The following LYPD6B variants were observed in gnomAD, a reference collection of about 807,000 sequenced individuals.
LYPD6B encodes the protein ly6/PLAUR domain-containing protein 6B.
A neutral mutation model predicts 22.8 loss-of-function variants in LYPD6B; 17 were observed. The observed-to-expected ratio is 0.75, with a 90% confidence interval of 0.51 to 1.12. LYPD6B has a LOEUF of 1.12. Ranked by LOEUF, LYPD6B falls within the 50% of genes most tolerant of loss-of-function variation. LYPD6B has a pLI of 0.00. For synonymous variants in LYPD6B, 106 were observed against 91.6 expected (o/e 1.16, Z -0.90); for missense variants, 221 against 258.3 (o/e 0.86, Z 0.99).
chr2:149,181,189 T>C (rs1691691786), intron 3 of LYPD6B, among the ~76,000 whole-genome samples: 1 of 152,096 alleles, frequency 6.6e-6, no homozygotes, highest in Non-Finnish European at 1.5e-5. Flanking sequence ...TCCATTCCAG[T>C]CTAATAATAG....
chr2:149,059,213 A>G lies in LYPD6B; in HGVS notation c.-67+20412A>G, dbSNP rs181110670. Among the ~76,000 whole-genome samples the G allele has an allele frequency of 3.4e-3, 520 of 152,338 alleles. 1 individual carries two copies. The highest frequency in any genetic ancestry group is 0.011 in the South Asian group (54 of 4,822). On this transcript the variant is annotated intron_variant, in intron 1 of 6. Transcript: ENST00000409642. ...AGTAAGTCTTTTCGACCCCATATCA[A>G]GTCCCTACCTCTCTGTTCCCTGTCA... is the stretch of plus-strand genomic sequence containing the variant.
chr2:149,147,715 C>T (rs414011), intron 2 of LYPD6B, among the ~76,000 whole-genome samples: 96,396 of 151,762 alleles, frequency 0.64, 30,727 homozygotes, highest in South Asian at 0.75. Flanking sequence ...GGTTTCACCA[C>T]GTTTGCCAGG....
chr2:149,204,066 C>T (rs1693346054), intron 3 of LYPD6B, among the ~76,000 whole-genome samples: 2 of 152,152 alleles, frequency 1.3e-5, no homozygotes, highest in Admixed American at 1.3e-4. Context: ...AGGAGTTCAG[C>T]CAATATTATT....
chr2:149,142,761 C>T (rs1334069784), intron 2 of LYPD6B, among the ~76,000 whole-genome samples: 2 of 152,122 alleles, frequency 1.3e-5, no homozygotes, highest in Non-Finnish European at 2.9e-5. Context: ...ATCTTAGCCC[C>T]GTGAGCAGCT....
At chr2:149,099,820 T>C (rs1211242850) in intron 1 of LYPD6B, among the ~76,000 whole-genome samples, 1 of 152,188 alleles carries the variant, frequency 6.6e-6, no homozygotes, top group African/African-American at 2.4e-5. Flanking sequence ...TCTATGATAT[T>C]GACTATGATG....
At chr2:149,160,037 C>T (rs771066904) in intron 2 of LYPD6B, among the ~76,000 whole-genome samples, 13 of 152,036 alleles carry the variant, frequency 8.6e-5, no homozygotes, top group African/African-American at 3.1e-4. Context: ...GCCTGAAGTC[C>T]CAACTACTCA....
intron 2 of LYPD6B, among the ~76,000 whole-genome samples, chr2:149,135,720 A>C (rs978474032): frequency 2.1e-3 from 120 of 56,408 alleles, no homozygotes; most frequent in African/African-American, 7.2e-3. Context: ...ACCATGTCTC[A>C]AAAAAAAAAA....
chr2:149,156,432 C>G (rs563781047), intron 2 of LYPD6B, among the ~76,000 whole-genome samples: 2 of 152,300 alleles, frequency 1.3e-5, no homozygotes, highest in African/African-American at 4.8e-5. Context: ...GGTGTCTTAG[C>G]TCAGCCTTCC....
intron 1 of LYPD6B, among the ~76,000 whole-genome samples, chr2:149,096,996 C>T (rs2105466324): frequency 6.6e-6 from 1 of 152,344 alleles, no homozygotes; most frequent in Admixed American, 6.5e-5. Flanking sequence ...CAATGGGAGG[C>T]ATCCAAACAT....
chr2:149,075,810 G>T (rs1334923061), intron 1 of LYPD6B, among the ~76,000 whole-genome samples: 1 of 152,204 alleles, frequency 6.6e-6, no homozygotes, highest in African/African-American at 2.4e-5. Flanking sequence ...ATTCTGAAAA[G>T]TAGGTAAGAT....
intron 1 of LYPD6B, among the ~76,000 whole-genome samples, chr2:149,054,484 T>C (rs980108397): frequency 1.3e-5 from 2 of 152,252 alleles, no homozygotes; most frequent in Non-Finnish European, 2.9e-5. Flanking sequence ...TTACGTATTC[T>C]GGATAGTAGA....
intron 3 of LYPD6B, among the ~76,000 whole-genome samples, chr2:149,189,367 T>TAC (rs775556861): frequency 3.0e-4 from 24 of 81,002 alleles, no homozygotes; most frequent in African/African-American, 6.9e-4. Context: ...TATATATATA[T>TAC]ACACACACAT....
At chr2:149,061,804 C>T (rs1325831235) in intron 1 of LYPD6B, among the ~76,000 whole-genome samples, 2 of 152,102 alleles carry the variant, frequency 1.3e-5, no homozygotes. Flanking sequence ...TTCTATTTTA[C>T]ATTTGAGAAT....
intron 2 of LYPD6B, among the ~76,000 whole-genome samples, chr2:149,152,272 C>G (rs946653827): frequency 6.6e-6 from 1 of 152,118 alleles, no homozygotes; most frequent in African/African-American, 2.4e-5. Context: ...TTTTATTGAT[C>G]AAATATTTAT....
rs191626442 is a variant in LYPD6B at position 149,195,289 on chromosome 2, C to A, written c.78-9964C>A. The stretch of plus-strand genomic sequence containing the variant: ...TCCAAGCTTTCTTCAGGCTAGAGAC[C>A]AACTCATGGGCTGGAGTAGGCATGG... On this transcript the variant is annotated intron_variant, in intron 3 of 6. Transcript: ENST00000409642. 1.6e-3 allele frequency among the ~76,000 whole-genome samples: 246 copies of A among 152,216 alleles called. 8 individuals carry two copies. The South Asian group carries it at 0.039, about 24-fold the overall frequency.
In LYPD6B at chr2:149,196,206, G is replaced by A. The variant is rs185707808; in HGVS notation, c.78-9047G>A. On this transcript the variant is annotated intron_variant, in intron 3 of 6. Coordinates refer to ENST00000409642, the MANE Select transcript of LYPD6B (RefSeq NM_177964.5). ...TGGCAATTTATGGAGCAAGTGACAC[G>A]CTGTAACTTTGTTATATATTCAGAA... 2.6e-4 allele frequency among the ~76,000 whole-genome samples: 40 copies of A among 152,242 alleles called. No homozygotes were observed. The East Asian group carries it at 3.7e-3, about 14-fold the overall frequency.
At chr2:149,182,077 C>T (rs185035211) in intron 3 of LYPD6B, among the ~76,000 whole-genome samples, 2 of 152,272 alleles carry the variant, frequency 1.3e-5, no homozygotes, top group East Asian at 3.9e-4. Flanking sequence ...CCCTCACCTA[C>T]CTCACCATGT....
chr2:149,126,167 G>A (rs757074695), intron 1 of LYPD6B, among the ~76,000 whole-genome samples: 4 of 152,160 alleles, frequency 2.6e-5, no homozygotes, highest in Non-Finnish European at 5.9e-5. Flanking sequence ...TCTAATTGCT[G>A]ACCTCTTTTC....
intron 6 of LYPD6B, among the ~76,000 whole-genome samples, chr2:149,213,707 A>T (rs1694018646): frequency 6.6e-6 from 1 of 152,156 alleles, no homozygotes; most frequent in African/African-American, 2.4e-5. Context: ...GTGGCTTTTA[A>T]CTCTAGCTAC....
Sources: allele counts gnomAD v4.1 joint callset (sites outside exome capture counted in the v4.1 genomes callset), GRCh38; gene constraint gnomAD v4.1.1; transcripts MANE v1.5; gene names NCBI Gene and HGNC (gene_info 2026-07-23, HGNC 2026-07-21).